The following DNAJC1 variants were observed in gnomAD, a reference collection of about 807,000 sequenced individuals.
DNAJC1 encodes the protein DnaJ heat shock protein family (Hsp40) member C1.
DNAJC1 carries 58 observed loss-of-function variants against 76.6 expected under a neutral mutation model. That is an observed-to-expected ratio of 0.76 (90% CI 0.61 to 0.94). The LOEUF (loss-of-function observed/expected upper bound fraction) is 0.94, where lower values mean the gene tolerates loss of function less well. Among genes scored for constraint, DNAJC1 ranks in the 40% least tolerant of loss-of-function variants. The pLI is 0.00. For synonymous variants in DNAJC1, 258 were observed against 267.9 expected (o/e 0.96, Z 0.36); for missense variants, 689 against 677.3 (o/e 1.02, Z -0.19).
At chr10:21,989,984 A>G (rs1838303141) in intron 1 of DNAJC1, among the ~76,000 whole-genome samples, 1 of 152,204 alleles carries the variant, frequency 6.6e-6, no homozygotes, top group African/African-American at 2.4e-5. Context: ...CAGTTTAACC[A>G]CCTATGTGCA....
In DNAJC1 at chr10:21,994,518, G is replaced by A. The variant is rs1030326660; in HGVS notation, c.222+8695C>T. On this transcript the variant is annotated intron_variant, in intron 1 of 11. Coordinates refer to ENST00000376980, the MANE Select transcript of DNAJC1 (RefSeq NM_022365.4). ...AAACATAAGAAGTTGGCCAGGCGCG[G>A]TGGCTCACACCTGTAATCCCAGCAC... Among the ~76,000 whole-genome samples, 6 of 152,154 alleles carry A rather than the reference G, an allele frequency of 3.9e-5. 1 individual carries two copies. Among genetic ancestry groups the A allele is most frequent in the Admixed American group, 3.9e-4 (6 of 15,268 alleles).
chr10:21,969,319 G>A (rs1348863875), intron 1 of DNAJC1, among the ~76,000 whole-genome samples: 1 of 151,686 alleles, frequency 6.6e-6, no homozygotes, highest in African/African-American at 2.4e-5. Flanking sequence ...AAGAGAGGAT[G>A]AGGGCGGGGG....
chr10:21,786,449 TATATATATATATATAGAGAGAG>T lies in DNAJC1; in HGVS notation c.1098+19509_1098+19530del, dbSNP rs1426621641. On this transcript the variant is annotated intron_variant, in intron 9 of 11. Coordinates refer to ENST00000376980, the MANE Select transcript of DNAJC1 (RefSeq NM_022365.4). ...GGGAATATATATATATATATATATA[TATATATATATATATAGAGAGAG>T]AGAGAGAGAGAGAGAGAGAGAGAGA... 8.4e-5 allele frequency among the ~76,000 whole-genome samples: 9 copies of T among 107,744 alleles called. No homozygotes were observed. The East Asian group carries it at 9.8e-4, about 12-fold the overall frequency. The allele number at this position is 107,744 out of a possible 152,430, so 70.7% of individuals were successfully genotyped here. A position where few individuals can be genotyped will look rare whatever the true frequency, so the allele number is the denominator to read the frequency against.
Position 21,763,562 on chromosome 10 carries a change from G to GT in DNAJC1, c.1147+2698dup, listed in dbSNP as rs1256604915. 3.1e-3 allele frequency among the ~76,000 whole-genome samples: 255 copies of GT among 82,838 alleles called. No homozygotes were observed. In the East Asian group the frequency reaches 0.031, roughly 10 times the overall value. 54.3% of individuals were successfully genotyped at this position (82,838 alleles called of 152,430 possible). ...GTTTTAATTTTTTAAGTGTGTGCAG[G>GT]TTGTTTTTTTTTTTTTTTTTTAGAC... On this transcript the variant is annotated intron_variant, in intron 10 of 11. Transcript: ENST00000376980.
intron 8 of DNAJC1, among the ~76,000 whole-genome samples, chr10:21,855,281 T>C (rs2131693042): frequency 6.6e-6 from 1 of 152,320 alleles, no homozygotes; most frequent in South Asian, 2.1e-4. Flanking sequence ...GAAGTGTATT[T>C]TTAATAGTGC....
chr10:21,857,372 A>G (rs922304208), intron 8 of DNAJC1, among the ~76,000 whole-genome samples: 1 of 151,906 alleles, frequency 6.6e-6, no homozygotes, highest in Admixed American at 6.6e-5. Context: ...TAAGCAGGGA[A>G]GACATGTTTC....
chr10:21,926,859 G>C (rs1008829639), intron 3 of DNAJC1, among the ~76,000 whole-genome samples: 1 of 152,154 alleles, frequency 6.6e-6, no homozygotes, highest in Non-Finnish European at 1.5e-5. Context: ...TTTATTAATA[G>C]ATGATTCCAT....
At chr10:21,853,755 T>A (rs1835789360) in intron 8 of DNAJC1, among the ~76,000 whole-genome samples, 1 of 111,920 alleles carries the variant, frequency 8.9e-6, no homozygotes, top group African/African-American at 3.6e-5. Context: ...GATTGCACAC[T>A]CCAGCCTGGG....
chr10:21,883,157 T>C (rs1836309593), intron 7 of DNAJC1, among the ~76,000 whole-genome samples: 1 of 151,756 alleles, frequency 6.6e-6, no homozygotes, highest in Non-Finnish European at 1.5e-5. Flanking sequence ...AGCTGAGGCA[T>C]GAGACTCACT....
intron 8 of DNAJC1, among the ~76,000 whole-genome samples, chr10:21,878,504 G>A (rs529837469): frequency 8.5e-5 from 13 of 152,082 alleles, no homozygotes; most frequent in African/African-American, 3.1e-4. Flanking sequence ...AGTTGTGTAT[G>A]TTTTGATAAG....
At chr10:21,993,169 A>G (rs1346202349) in intron 1 of DNAJC1, among the ~76,000 whole-genome samples, 1 of 152,106 alleles carries the variant, frequency 6.6e-6, no homozygotes, top group African/African-American at 2.4e-5. Flanking sequence ...TTATATACTC[A>G]GCCTATACAC....
intron 9 of DNAJC1, among the ~76,000 whole-genome samples, chr10:21,793,335 A>T (rs1016959992): frequency 6.6e-6 from 1 of 152,152 alleles, no homozygotes; most frequent in Non-Finnish European, 1.5e-5. Flanking sequence ...AAAAGCATCT[A>T]TGAAAAACCT....
chr10:21,883,273 CACACACACACACACACA>C (rs1407959538), intron 7 of DNAJC1, among the ~76,000 whole-genome samples: 2 of 147,396 alleles, frequency 1.4e-5, no homozygotes, highest in African/African-American at 5.3e-5. Flanking sequence ...CACACACACA[CACACACACACACACACA>C]CACACCATTT....
intron 7 of DNAJC1, among the ~76,000 whole-genome samples, chr10:21,901,479 T>C (rs1186129806): frequency 2.0e-5 from 3 of 152,212 alleles, no homozygotes; most frequent in Non-Finnish European, 2.9e-5. Flanking sequence ...TTCAACTTAT[T>C]TAAACCTAAA....
At chr10:21,854,332 G>A (rs1835798324) in intron 8 of DNAJC1, among the ~76,000 whole-genome samples, 1 of 133,232 alleles carries the variant, frequency 7.5e-6, no homozygotes, top group African/African-American at 2.8e-5. Flanking sequence ...AGGACTATCA[G>A]ATACAAATGT....
chr10:21,760,134 T>C (rs1834224432), intron 10 of DNAJC1, among the ~76,000 whole-genome samples: 1 of 152,168 alleles, frequency 6.6e-6, no homozygotes. Flanking sequence ...AAAAAGTTTA[T>C]TAGCTGGGCC....
chr10:21,796,259 C>G (rs1834749761), intron 9 of DNAJC1, among the ~76,000 whole-genome samples: 1 of 152,048 alleles, frequency 6.6e-6, no homozygotes, highest in Non-Finnish European at 1.5e-5. Context: ...TGTGAGCCAC[C>G]TCACCCGGCC....
intron 1 of DNAJC1, among the ~76,000 whole-genome samples, chr10:21,959,814 A>G (rs888696197): frequency 6.7e-6 from 1 of 148,486 alleles, no homozygotes; most frequent in African/African-American, 2.5e-5. Context: ...AAAAAAAAAA[A>G]GAAGAGAGAA....
chr10:21,964,036 A>C (rs2131821267), intron 1 of DNAJC1, among the ~76,000 whole-genome samples: 1 of 152,318 alleles, frequency 6.6e-6, no homozygotes, highest in African/African-American at 2.4e-5. Flanking sequence ...TGGCTACTCT[A>C]GTTAATTTGA....
Sources: allele counts gnomAD v4.1 joint callset (sites outside exome capture counted in the v4.1 genomes callset), GRCh38; gene constraint gnomAD v4.1.1; transcripts MANE v1.5; gene names NCBI Gene and HGNC (gene_info 2026-07-23, HGNC 2026-07-21).